The following PCSK5 variants were observed in gnomAD, a reference collection of about 807,000 sequenced individuals.
PCSK5 encodes the protein prohormone convertase 5.
Under a neutral mutation model 233.2 loss-of-function variants are expected in PCSK5, and 129 were observed. The ratio of observed to expected loss-of-function variants is 0.55; its 90% confidence interval spans 0.48 to 0.64. The LOEUF is 0.64. PCSK5 is among the 30% of genes least tolerant of loss of function. The probability of loss-of-function intolerance (pLI) is 0.00; values close to 1 mark genes in which losing one functional copy is unlikely to be tolerated. For missense variants in PCSK5, 2,076 were observed against 2,430.1 expected (o/e 0.85, Z 3.06); for synonymous variants, 825 against 879.2 (o/e 0.94, Z 1.09).
intron 5 of PCSK5, among the ~76,000 whole-genome samples, chr9:76,044,784 A>G (rs1008378865): frequency 6.6e-6 from 1 of 152,182 alleles, no homozygotes; most frequent in Non-Finnish European, 1.5e-5. Context: ...TAAGTGTGCA[A>G]ATAGTCAAAG....
chr9:76,240,651 C>G lies in PCSK5; in HGVS notation c.3109C>G (p.Pro1037Ala). Reference protein sequence around the residue: ...VQDPDYEECVPCEEGCLGCSL... With the variant: ...VQDPDYEECVACEEGCLGCSL... The stretch of plus-strand genomic sequence containing the variant: ...AGACCCAGACTATGAAGAATGTGTC[C>G]CTTGTGAAGAAGGATGTCTGGGATG... Residue 1037 changes from proline (P) to alanine (A), a missense_variant, in exon 24 of 38, where the codon CCT becomes GCT. Physicochemically the swap from Pro to Ala is conservative, Grantham distance 27. Coordinates refer to ENST00000674117, the MANE Select transcript of PCSK5 (RefSeq NM_001372043.1). 1 of 1,581,764 alleles carries G rather than the reference C, an allele frequency of 6.3e-7. No individual in the cohort carries two copies.
At chr9:76,015,045 T>C (rs923941339) in intron 3 of PCSK5, among the ~76,000 whole-genome samples, 2 of 152,180 alleles carry the variant, frequency 1.3e-5, no homozygotes, top group African/African-American at 4.8e-5. Context: ...TGTGATCTGA[T>C]ATCTGCAAGA....
At position 76,259,456 on chromosome 9, in the gene PCSK5, T is replaced by TACACACACAC. The variant is rs10592376; in HGVS notation, c.3142+18795_3142+18804dup. On this transcript the variant is annotated intron_variant, in intron 24 of 37. Transcript: ENST00000674117. ...AGCCTCCCTCCCTCTCTGTCTACACTACACACACACACACACACACACACA... is the reference window on the plus strand; with the variant it reads ...AGCCTCCCTCCCTCTCTGTCTACACTACACACACACACACACACACACACACACACACACA... Among the ~76,000 whole-genome samples the TACACACACAC allele has an allele frequency of 7.8e-3, 1,163 of 148,766 alleles. 7 individuals are homozygous for TACACACACAC. The highest frequency in any genetic ancestry group is 0.011 in the Non-Finnish European group (769 of 67,170).
At chr9:76,205,758 G>A (rs1825092831) in intron 20 of PCSK5, among the ~76,000 whole-genome samples, 1 of 152,196 alleles carries the variant, frequency 6.6e-6, no homozygotes, top group Non-Finnish European at 1.5e-5. Context: ...GTTTAGCCAT[G>A]TCTTACTGAA....
chr9:75,965,100 C>A (rs910965623), intron 2 of PCSK5, among the ~76,000 whole-genome samples: 1 of 152,180 alleles, frequency 6.6e-6, no homozygotes, highest in Non-Finnish European at 1.5e-5. Flanking sequence ...TCTCTTAGAT[C>A]CTGCCCCAAA....
In PCSK5 at chr9:76,008,118, A is replaced by G. The variant is rs191893082; in HGVS notation, c.412-15620A>G. On this transcript the variant is annotated intron_variant, in intron 3 of 37. Coordinates refer to ENST00000674117, the MANE Select transcript of PCSK5 (RefSeq NM_001372043.1). ...GGCTTTCTCTGTGTAAGATTATTCT[A>G]TTTGTGTCTCACCATTACTGGGCTT... Among the ~76,000 whole-genome samples the G allele has an allele frequency of 2.5e-3, 377 of 151,778 alleles. 2 individuals are homozygous for G. Among genetic ancestry groups the G allele is most frequent in the African/African-American group, 8.8e-3 (366 of 41,376 alleles).
intron 5 of PCSK5, among the ~76,000 whole-genome samples, chr9:76,029,978 G>A (rs1269475846): frequency 1.3e-5 from 2 of 152,132 alleles, no homozygotes; most frequent in African/African-American, 4.8e-5. Flanking sequence ...ATTGCCATAA[G>A]TTAAGAATAC....
intron 1 of PCSK5, among the ~76,000 whole-genome samples, chr9:75,908,869 TTCTATTTATCTATCTATCTATCTA>T (rs1431903980): frequency 1.2e-4 from 14 of 119,906 alleles, no homozygotes; most frequent in African/African-American, 4.3e-4. Context: ...ATCCTTCTCT[TTCTATTTATCTATCTATCTATCTA>T]TCTATCTATC....
intron 1 of PCSK5, among the ~76,000 whole-genome samples, chr9:75,895,959 G>T (rs1449620087): frequency 6.6e-6 from 1 of 152,132 alleles, no homozygotes; most frequent in Non-Finnish European, 1.5e-5. Flanking sequence ...TAGGGGATGT[G>T]GTTAGTCTGA....
intron 3 of PCSK5, 119 bp from the exon 4 acceptor site, chr9:76,023,619 C>A: frequency 1.1e-6 from 1 of 883,538 alleles, no homozygotes; most frequent in Non-Finnish European, 1.7e-6. Flanking sequence ...AAGCTCATCA[C>A]ACTACTACAC....
chr9:75,954,719 C>G (rs1021350833), intron 2 of PCSK5, among the ~76,000 whole-genome samples: 12 of 152,116 alleles, frequency 7.9e-5, no homozygotes. Flanking sequence ...GTGGAAGCCT[C>G]CAACAGCCAA....
chr9:76,054,900 T>A (rs1299208010), intron 5 of PCSK5, among the ~76,000 whole-genome samples: 1 of 152,170 alleles, frequency 6.6e-6, no homozygotes, highest in Non-Finnish European at 1.5e-5. Flanking sequence ...TATTTTCTTG[T>A]TTTTAAAAGC....
At chr9:76,139,265 G>A (rs1429894209) in intron 10 of PCSK5, among the ~76,000 whole-genome samples, 1 of 152,118 alleles carries the variant, frequency 6.6e-6, no homozygotes, top group African/African-American at 2.4e-5. Context: ...CTTTTGAGTT[G>A]TGTTTTGAGT....
At chr9:76,202,953 T>A (rs1824974337) in intron 20 of PCSK5, among the ~76,000 whole-genome samples, 1 of 152,108 alleles carries the variant, frequency 6.6e-6, no homozygotes, top group Admixed American at 6.6e-5. Context: ...TATGGATAGT[T>A]GAAAAAAATG....
At chr9:76,316,309 C>G (rs1829030123) in intron 30 of PCSK5, among the ~76,000 whole-genome samples, 1 of 152,080 alleles carries the variant, frequency 6.6e-6, no homozygotes, top group Non-Finnish European at 1.5e-5. Context: ...AACAAAGACA[C>G]CCCTAACTCT....
At chr9:76,229,701 C>T (rs1037475953) in intron 21 of PCSK5, among the ~76,000 whole-genome samples, 1 of 152,216 alleles carries the variant, frequency 6.6e-6, no homozygotes, top group Non-Finnish European at 1.5e-5. Flanking sequence ...CAACAATCAG[C>T]AAAGAGGACC....
At chr9:75,930,013 C>T (rs1377224630) in intron 1 of PCSK5, among the ~76,000 whole-genome samples, 1 of 152,158 alleles carries the variant, frequency 6.6e-6, no homozygotes, top group Non-Finnish European at 1.5e-5. Flanking sequence ...CAGGCATGTG[C>T]TACCACGCCC....
At chr9:76,292,178 T>C in intron 24 of PCSK5, 55 bp from the exon 25 acceptor site, 1 of 1,045,218 alleles carries the variant, frequency 9.6e-7, no homozygotes, top group Non-Finnish European at 1.5e-6. Context: ...AGACCCTATT[T>C]TTCCAAATGA....
intron 1 of PCSK5, among the ~76,000 whole-genome samples, chr9:75,927,712 G>T (rs1823559591): frequency 6.6e-6 from 1 of 152,110 alleles, no homozygotes; most frequent in South Asian, 2.1e-4. Flanking sequence ...TCAGCTGTCT[G>T]TTCAAAAGTC....
Sources: gnomAD v4.1 joint callset for allele counts (sites outside exome capture counted in the v4.1 genomes callset) on GRCh38, gnomAD v4.1.1 for gene constraint, MANE v1.5 for transcripts, NCBI Gene and HGNC (gene_info 2026-07-23, HGNC 2026-07-21) for gene names.